Variants in TBP observed in about 807,000 individuals in gnomAD.
The protein encoded by TBP is TATA-box-binding protein.
TBP carries 12 observed loss-of-function variants against 46.2 expected under a neutral mutation model. That is an observed-to-expected ratio of 0.26 (90% CI 0.17 to 0.42). The LOEUF (loss-of-function observed/expected upper bound fraction) is 0.42. TBP is among the 10% of genes least tolerant of loss of function. The pLI, the probability that TBP is intolerant of heterozygous loss-of-function variation, is 1.00. For synonymous variants in TBP, 157 were observed against 148.3 expected (o/e 1.06, Z -0.42); for missense variants, 229 against 403.1 (o/e 0.57, Z 3.70).
intron 2 of TBP, among the ~76,000 whole-genome samples, chr6:170,559,784 T>C (rs1409555376): frequency 6.6e-6 from 1 of 152,220 alleles, no homozygotes; most frequent in African/African-American, 2.4e-5. Flanking sequence ...CTAGGACTTT[T>C]ATAGCTAGAG....
chr6:170,556,898 CGT>C lies in TBP; in HGVS notation c.-128_-127del. On this transcript the variant is annotated 5_prime_UTR_variant, in exon 2 of 8. Transcript: ENST00000392092. ...CCAAAGCAGCATCACTGTTTCTTGG[CGT>C]GTGAAGATAACCCAAGGAATTGAGG... is the stretch of plus-strand genomic sequence containing the variant. The C allele has an allele frequency of 1.2e-6, 1 of 811,692 alleles. No individual in the cohort carries two copies. Among genetic ancestry groups the C allele is most frequent in the South Asian group, 1.7e-5 (1 of 60,604 alleles). The allele number at this position is 811,692 out of a possible 1,614,324, so 50.3% of individuals were successfully genotyped here.
At chr6:170,567,042 G>A (rs1391137602) in intron 5 of TBP, 33 bp downstream of exon 5, 1 of 1,576,956 alleles carries the variant, frequency 6.3e-7, no homozygotes, top group Non-Finnish European at 8.7e-7. Context: ...TCTGGTCTAT[G>A]GGTTATGAAT....
chr6:170,556,534 T>G (rs1779032660), intron 1 of TBP, among the ~76,000 whole-genome samples: 1 of 152,222 alleles, frequency 6.6e-6, no homozygotes, highest in Non-Finnish European at 1.5e-5. Flanking sequence ...GTGTATACAG[T>G]GCTTAGTGAA....
rs1307671193 is a variant in TBP at position 170,558,685 on chromosome 6, C to CT, written c.54+1611dup. On this transcript the variant is annotated intron_variant, in intron 2 of 7. Transcript: ENST00000392092. ...TTATTGTTATCAAACTTTTTTTTTT[C>CT]TTTTTTTTTGTATTTTTTTTTTAAT... Among the ~76,000 whole-genome samples the CT allele has an allele frequency of 9.7e-5, 14 of 143,808 alleles. No homozygotes were observed. In the East Asian group the frequency reaches 1.0e-3, roughly 10 times the overall value. 94.3% of individuals were successfully genotyped at this position (143,808 alleles called of 152,430 possible). A position where few individuals can be genotyped will look rare whatever the true frequency, so the allele number is the denominator to read the frequency against.
intron 2 of TBP, 86 bp downstream of exon 2, chr6:170,557,169 G>A (rs1382994790): frequency 7.6e-7 from 1 of 1,311,390 alleles, no homozygotes; most frequent in African/African-American, 1.5e-5. Context: ...GGCATTTAAT[G>A]ATCTGTTTTT....
chr6:170,556,391 A>G (rs570982971), intron 1 of TBP, among the ~76,000 whole-genome samples: 1 of 151,712 alleles, frequency 6.6e-6, no homozygotes, highest in East Asian at 1.9e-4. Context: ...GTTTCATTAC[A>G]GTAGGAGCTT....
intron 7 of TBP, 60 bp from the exon 8 acceptor site, chr6:170,572,126 C>CT: frequency 7.5e-7 from 1 of 1,326,052 alleles, no homozygotes; most frequent in Non-Finnish European, 1.1e-6. Context: ...ATTTTACCAT[C>CT]TTAATATGTT....
At chr6:170,567,065 T>C (rs1013936663) in intron 5 of TBP, 56 bp downstream of exon 5, 104 of 1,463,924 alleles carry the variant, frequency 7.1e-5, no homozygotes, top group Middle Eastern at 5.2e-4. Context: ...AAAGGTGATA[T>C]CTCATTGTTT....
At chr6:170,565,164 A>C (rs1779222064) in intron 4 of TBP, among the ~76,000 whole-genome samples, 1 of 152,206 alleles carries the variant, frequency 6.6e-6, no homozygotes, top group Non-Finnish European at 1.5e-5. Context: ...TCAAAAAAAA[A>C]ATCTGTATAT....
chr6:170,554,789 C>T (rs1778983812), intron 1 of TBP: 1 of 152,310 alleles, frequency 6.6e-6, no homozygotes, highest in Non-Finnish European at 1.5e-5. Context: ...CCCTGTCCTG[C>T]CATCCGCTTC....
chr6:170,558,139 A>T (rs183638228), intron 2 of TBP, among the ~76,000 whole-genome samples: 1 of 152,320 alleles, frequency 6.6e-6, no homozygotes, highest in African/African-American at 2.4e-5. Context: ...TCCAGTTTGG[A>T]GCTATTGCGA....
chr6:170,556,097 A>G (rs944772232), intron 1 of TBP, among the ~76,000 whole-genome samples: 1 of 152,224 alleles, frequency 6.6e-6, no homozygotes, highest in Non-Finnish European at 1.5e-5. Context: ...AGTCTTTCAT[A>G]CATTCAGCAA....
In TBP at chr6:170,558,326, T is replaced by C. The variant is rs377494502; in HGVS notation, c.54+1243T>C. Among the ~76,000 whole-genome samples, 31 of 152,334 alleles carry C rather than the reference T, an allele frequency of 2.0e-4. No homozygotes were observed. The South Asian group carries it at 6.4e-3, about 32-fold the overall frequency. ...GTTTTGCAGCATAAGAGATTTAAGT[T>C]GCTCCACATCCTCACCAACACTTTC... On this transcript the variant is annotated intron_variant, in intron 2 of 7. Coordinates refer to ENST00000392092, the MANE Select transcript of TBP (RefSeq NM_003194.5).
Position 170,564,652 on chromosome 6 carries a change from A to T in TBP, c.585+20A>T. 1.3e-6 allele frequency: 2 copies of T among 1,541,530 alleles called. No homozygotes were observed. The highest frequency in any genetic ancestry group is 8.8e-7 in the Non-Finnish European group (1 of 1,133,136). On this transcript the variant is annotated intron_variant, in intron 4 of 7. Transcript: ENST00000392092. Reference sequence around the variant, plus strand: ...CCCAAGGTTAGATCTATTTTAATGTATTTCTTTTTTTTTTCTTTTTTGTCT... The same window carrying T: ...CCCAAGGTTAGATCTATTTTAATGTTTTTCTTTTTTTTTTCTTTTTTGTCT...
At chr6:170,566,013 G>A (rs1042109990) in intron 4 of TBP, among the ~76,000 whole-genome samples, 1 of 151,986 alleles carries the variant, frequency 6.6e-6, no homozygotes. Context: ...ATTCGAGGCT[G>A]CAGTGAGCCA....
chr6:170,554,655 T>G (rs963347132), intron 1 of TBP, 192 bp downstream of exon 1: 1 of 152,592 alleles, frequency 6.6e-6, no homozygotes. Context: ...GGTGCCCTAC[T>G]CTGCTGTGTT....
chr6:170,554,659 CTG>C (rs1778980439), intron 1 of TBP, 196 bp downstream of exon 1: 1 of 152,616 alleles, frequency 6.6e-6, no homozygotes, highest in African/African-American at 2.4e-5. Context: ...CCCTACTCTG[CTG>C]TGTTTCGCAG....
At chr6:170,557,465 T>C (rs539840378) in intron 2 of TBP, among the ~76,000 whole-genome samples, 1 of 152,230 alleles carries the variant, frequency 6.6e-6, no homozygotes, top group Non-Finnish European at 1.5e-5. Flanking sequence ...CTGGGTGCAG[T>C]GGCTCACGCC....
chr6:170,570,839 A>C (rs138394219), intron 6 of TBP, among the ~76,000 whole-genome samples: 117 of 152,306 alleles, frequency 7.7e-4, no homozygotes, highest in African/African-American at 2.7e-3. Context: ...TCTCAAAAAA[A>C]AAAAGAATAT....
Sources: allele counts gnomAD v4.1 joint callset (sites outside exome capture counted in the v4.1 genomes callset), GRCh38; gene constraint gnomAD v4.1.1; transcripts MANE v1.5; gene names NCBI Gene and HGNC (gene_info 2026-07-23, HGNC 2026-07-21).